The following AOAH variants were observed in gnomAD, a reference collection of about 807,000 sequenced individuals.
AOAH encodes acyloxyacyl hydrolase.
Under a neutral mutation model 92.2 loss-of-function variants are expected in AOAH, and 64 were observed. The observed-to-expected ratio is 0.69, with a 90% CI of 0.57 to 0.86. The LOEUF is 0.86. AOAH is among the 40% of genes least tolerant of loss of function. AOAH has a pLI of 0.00. For synonymous variants in AOAH, 263 were observed against 254.5 expected, an observed-to-expected ratio of 1.03 and a Z score of -0.32; for missense variants, 656 against 694.6, an observed-to-expected ratio of 0.94 and a Z score of 0.62.
In AOAH at chr7:36,616,410, A is replaced by G. The variant is rs1476593332; in HGVS notation, c.816T>C (p.Pro272=). The change falls in exon 11 of 21, where the codon CCT becomes CCC. Residue 272 remains proline (P), a synonymous_variant. Transcript: ENST00000617537. Reference sequence around the variant, plus strand: ...ACATCTGCGACGCTGTGATCCATTCAGGAGAGATGTGAAAATGAGCCCCAG... The same window carrying G: ...ACATCTGCGACGCTGTGATCCATTCGGGAGAGATGTGAAAATGAGCCCCAG... ...DSAGAHFHIS[P]EWITASQMSL... The G allele has an allele frequency of 1.2e-6, 2 of 1,614,094 alleles. No homozygotes were observed. The highest frequency in any genetic ancestry group is 3.3e-5 in the Admixed American group (2 of 60,018).
intron 13 of AOAH, among the ~76,000 whole-genome samples, chr7:36,557,103 G>A (rs1430312160): frequency 6.6e-6 from 1 of 152,190 alleles, no homozygotes; most frequent in Non-Finnish European, 1.5e-5. Context: ...ATTTTGGCAT[G>A]ATTTTGCAGC....
At chr7:36,545,156 A>G (rs1057423097) in intron 15 of AOAH, among the ~76,000 whole-genome samples, 7 of 151,982 alleles carry the variant, frequency 4.6e-5, no homozygotes, top group African/African-American at 1.7e-4. Context: ...GGCTCAAGCT[A>G]TCCTCCCACT....
chr7:36,618,508 G>C (rs1458538537), intron 9 of AOAH, among the ~76,000 whole-genome samples, 163 bp from the exon 10 acceptor site: 1 of 152,242 alleles, frequency 6.6e-6, no homozygotes, highest in Non-Finnish European at 1.5e-5. Context: ...CCCTGTGCGA[G>C]CGAGTCGGGT....
At chr7:36,610,124 TTC>T (rs1791332939) in intron 11 of AOAH, among the ~76,000 whole-genome samples, 1 of 122,254 alleles carries the variant, frequency 8.2e-6, no homozygotes, top group African/African-American at 3.0e-5. Context: ...TTTTTCTTTT[TTC>T]TTTTTTTTTT....
intron 6 of AOAH, among the ~76,000 whole-genome samples, chr7:36,625,070 A>C (rs987117783): frequency 1.3e-5 from 2 of 151,556 alleles, no homozygotes; most frequent in Non-Finnish European, 2.9e-5. Flanking sequence ...AAAAGTAGGG[A>C]GTGTGGGGAG....
intron 2 of AOAH, among the ~76,000 whole-genome samples, chr7:36,677,499 T>C (rs1796328631): frequency 6.6e-6 from 1 of 152,198 alleles, no homozygotes; most frequent in Non-Finnish European, 1.5e-5. Context: ...TGTAAACTCG[T>C]GCAGCCAGTT....
chr7:36,619,666 T>C (rs1294507369), intron 9 of AOAH, among the ~76,000 whole-genome samples: 1 of 152,180 alleles, frequency 6.6e-6, no homozygotes, highest in Non-Finnish European at 1.5e-5. Flanking sequence ...CTGTCTCTCA[T>C]GCTTTCCATA....
intron 16 of AOAH, among the ~76,000 whole-genome samples, chr7:36,534,439 A>T (rs1291894036): frequency 6.6e-6 from 1 of 152,206 alleles, no homozygotes; most frequent in African/African-American, 2.4e-5. Flanking sequence ...AGAACCTGGG[A>T]AAGTTGCAAT....
intron 4 of AOAH, among the ~76,000 whole-genome samples, chr7:36,654,666 T>C (rs1421281070): frequency 1.3e-5 from 2 of 152,152 alleles, no homozygotes; most frequent in Non-Finnish European, 2.9e-5. Context: ...TTGCGTCACA[T>C]TATTTATATT....
At chr7:36,631,650 C>T (rs1793112287) in intron 6 of AOAH, among the ~76,000 whole-genome samples, 1 of 152,168 alleles carries the variant, frequency 6.6e-6, no homozygotes, top group Non-Finnish European at 1.5e-5. Flanking sequence ...GTGTCTTGCA[C>T]TAAAGATGCT....
At chr7:36,716,015 A>T (rs1799138156) in intron 1 of AOAH, among the ~76,000 whole-genome samples, 1 of 151,972 alleles carries the variant, frequency 6.6e-6, no homozygotes, top group African/African-American at 2.4e-5. Context: ...CAGCAAAAGA[A>T]ACTACCATCA....
chr7:36,632,845 T>C (rs564924890), intron 5 of AOAH, among the ~76,000 whole-genome samples: 33 of 152,336 alleles, frequency 2.2e-4, no homozygotes, highest in African/African-American at 7.9e-4. Flanking sequence ...TATTTGACCC[T>C]GGCAAGAGAG....
At chr7:36,553,001 G>A (rs1462238903) in intron 13 of AOAH, among the ~76,000 whole-genome samples, 2 of 149,964 alleles carry the variant, frequency 1.3e-5, no homozygotes, top group Non-Finnish European at 3.0e-5. Context: ...TAAGTTTTAG[G>A]GTACATGTGC....
intron 11 of AOAH, among the ~76,000 whole-genome samples, chr7:36,613,105 A>G (rs1304711047): frequency 1.3e-5 from 2 of 152,100 alleles, no homozygotes; most frequent in African/African-American, 4.8e-5. Flanking sequence ...TTTTCTGGGA[A>G]GGCATATGTC....
intron 15 of AOAH, among the ~76,000 whole-genome samples, chr7:36,543,454 C>CT (rs142008904): frequency 0.098 from 14,792 of 150,294 alleles, 876 homozygotes; most frequent in African/African-American, 0.16. Context: ...CCTTGCCACA[C>CT]TTTTTTTTTT....
At chr7:36,669,672 A>G (rs1360794115) in intron 3 of AOAH, among the ~76,000 whole-genome samples, 1 of 152,104 alleles carries the variant, frequency 6.6e-6, no homozygotes, top group Non-Finnish European at 1.5e-5. Context: ...CATGAGTCAC[A>G]GAGTGCAGTG....
intron 4 of AOAH, among the ~76,000 whole-genome samples, chr7:36,655,080 G>C (rs572016955): frequency 6.6e-6 from 1 of 152,172 alleles, no homozygotes; most frequent in Non-Finnish European, 1.5e-5. Context: ...ATGGTGGAGA[G>C]AACAAAGACA....
At chr7:36,637,413 A>G (rs1234176382) in intron 5 of AOAH, among the ~76,000 whole-genome samples, 1 of 152,160 alleles carries the variant, frequency 6.6e-6, no homozygotes, top group Non-Finnish European at 1.5e-5. Context: ...AGGAGGATAC[A>G]GCCTCCTCCA....
intron 19 of AOAH, among the ~76,000 whole-genome samples, chr7:36,524,474 GTC>G (rs1784281040): frequency 6.8e-6 from 1 of 146,758 alleles, no homozygotes; most frequent in Non-Finnish European, 1.5e-5. Flanking sequence ...GTGAAACCCC[GTC>G]TCTACTAAAA....
Sources: allele counts gnomAD v4.1 joint callset (sites outside exome capture counted in the v4.1 genomes callset), GRCh38; gene constraint gnomAD v4.1.1; transcripts MANE v1.5; gene names NCBI Gene and HGNC (gene_info 2026-07-23, HGNC 2026-07-21).